Variants in DAAM2 observed in about 807,000 individuals in gnomAD.
DAAM2 encodes dishevelled associated activator of morphogenesis 2.
A neutral mutation model predicts 120.7 loss-of-function variants in DAAM2; 39 were observed. The ratio of observed to expected loss-of-function variants is 0.32; its 90% CI spans 0.25 to 0.42. The LOEUF is 0.42. Among genes scored for constraint, DAAM2 ranks in the 10% least tolerant of loss-of-function variants. The pLI is 1.00. For synonymous variants in DAAM2, 488 were observed against 524.9 expected, an observed-to-expected ratio of 0.93 and a Z score of 0.96; for missense variants, 1,283 against 1,401.7, an observed-to-expected ratio of 0.92 and a Z score of 1.35.
At chr6:39,895,027 G>A (rs1765988256) in intron 19 of DAAM2, among the ~76,000 whole-genome samples, 1 of 151,892 alleles carries the variant, frequency 6.6e-6, no homozygotes, top group African/African-American at 2.4e-5. Flanking sequence ...ATGTAGCAGT[G>A]GGGTATTCAT....
At chr6:39,795,530 T>C (rs906663681) in intron 1 of DAAM2, among the ~76,000 whole-genome samples, 1 of 152,206 alleles carries the variant, frequency 6.6e-6, no homozygotes, top group Non-Finnish European at 1.5e-5. Context: ...CCCAGGTCAT[T>C]ATGAAAACAT....
chr6:39,826,651 A>AT (rs1489773592), intron 1 of DAAM2, among the ~76,000 whole-genome samples: 5 of 152,092 alleles, frequency 3.3e-5, no homozygotes, highest in African/African-American at 2.4e-5. Context: ...TTTGCCAGTG[A>AT]TTTTTTTCAC....
chr6:39,862,651 C>T (rs930186441), intron 3 of DAAM2: 3 of 151,386 alleles, frequency 2.0e-5, no homozygotes, highest in African/African-American at 4.9e-5. Flanking sequence ...TAAAAAAATA[C>T]AAAACTAGCC....
intron 1 of DAAM2, among the ~76,000 whole-genome samples, chr6:39,824,749 G>C (rs920403676): frequency 5.9e-5 from 9 of 152,154 alleles, no homozygotes; most frequent in African/African-American, 2.2e-4. Context: ...GGCAAGAGCA[G>C]GTTCCGCGGA....
Position 39,873,272 on chromosome 6 carries a change from T to C in DAAM2, c.1079T>C (p.Phe360Ser), listed in dbSNP as rs1356595723. The change falls in exon 10 of 25, where the codon TTT becomes TCT. Residue 360 changes from phenylalanine (F) to serine (S), a missense_variant. Phe to Ser is a radical substitution (Grantham distance 155, BLOSUM62 -2). Coordinates refer to ENST00000274867, the MANE Select transcript of DAAM2 (RefSeq NM_001201427.2). ...HIDTKSASQM[F>S]ELIHKKLKYT... Reference sequence around the variant, plus strand: ...GACACCAAGAGTGCTTCCCAGATGTTTGAGTTGATCCACAAGAAGCTGAAG... The same window carrying C: ...GACACCAAGAGTGCTTCCCAGATGTCTGAGTTGATCCACAAGAAGCTGAAG... 6.2e-7 allele frequency: 1 copy of C among 1,613,292 alleles called. No homozygotes were observed. The highest frequency in any genetic ancestry group is 1.3e-5 in the African/African-American group (1 of 74,884).
intron 1 of DAAM2, among the ~76,000 whole-genome samples, chr6:39,842,606 C>T (rs1022048227): frequency 1.5e-4 from 23 of 151,792 alleles, no homozygotes; most frequent in Admixed American, 4.6e-4. Flanking sequence ...GTACTCCAGC[C>T]GGGGCAACAG....
intron 2 of DAAM2, among the ~76,000 whole-genome samples, chr6:39,857,015 G>C (rs1447452226): frequency 6.6e-6 from 1 of 152,160 alleles, no homozygotes; most frequent in Non-Finnish European, 1.5e-5. Flanking sequence ...GCTTAGCAAG[G>C]GGCAGGCGGA....
intron 10 of DAAM2, 77 bp from the exon 11 acceptor site, chr6:39,875,253 C>A (rs1281269097): frequency 2.6e-6 from 4 of 1,523,046 alleles, no homozygotes; most frequent in Non-Finnish European, 3.6e-6. Context: ...CCAGCCAGAC[C>A]CCAGGCAGCA....
chr6:39,809,658 T>TA (rs1762106843), intron 1 of DAAM2, among the ~76,000 whole-genome samples: 1 of 151,976 alleles, frequency 6.6e-6, no homozygotes. Flanking sequence ...AGCACTGCAG[T>TA]AAAAAAACAA....
chr6:39,899,656 T>C (rs1288993963), intron 22 of DAAM2: 2 of 163,716 alleles, frequency 1.2e-5, no homozygotes, highest in Admixed American at 5.6e-5. Context: ...ATAGTCCTGT[T>C]AAGTGCTACT....
At chr6:39,856,555 T>C (rs1764014120) in intron 2 of DAAM2, 85 bp downstream of exon 2, 1 of 1,120,010 alleles carries the variant, frequency 8.9e-7, no homozygotes. Flanking sequence ...AGGGCCCCTG[T>C]GCTGGGGTCT....
chr6:39,871,354 A>G (rs1764653482), intron 8 of DAAM2, among the ~76,000 whole-genome samples, 152 bp from the exon 9 acceptor site: 1 of 152,206 alleles, frequency 6.6e-6, no homozygotes, highest in Non-Finnish European at 1.5e-5. Context: ...TGGGTGTCCT[A>G]CAAACAGCGG....
chr6:39,874,794 G>C (rs905526495), intron 10 of DAAM2, among the ~76,000 whole-genome samples: 5 of 152,128 alleles, frequency 3.3e-5, no homozygotes, highest in African/African-American at 1.2e-4. Context: ...ATAGTTCAAG[G>C]TCACTTCCAC....
chr6:39,814,884 C>G (rs556222939), intron 1 of DAAM2, among the ~76,000 whole-genome samples: 1 of 152,342 alleles, frequency 6.6e-6, no homozygotes, highest in East Asian at 1.9e-4. Flanking sequence ...CTCTCCTCCT[C>G]CATTCTCTTC....
chr6:39,881,298 G>A (rs71571395), intron 14 of DAAM2, among the ~76,000 whole-genome samples: 3,909 of 152,294 alleles, frequency 0.026, 72 homozygotes, highest in East Asian at 0.048. Flanking sequence ...CAAGGTGAAC[G>A]GTCTTTGAAT....
At chr6:39,852,790 C>T (rs1562027217) in intron 1 of DAAM2, among the ~76,000 whole-genome samples, 1 of 152,212 alleles carries the variant, frequency 6.6e-6, no homozygotes, top group South Asian at 2.1e-4. Context: ...AGTCTCCTGA[C>T]TTCAAAGCCT....
chr6:39,805,813 A>C (rs963401847), intron 1 of DAAM2, among the ~76,000 whole-genome samples: 1 of 152,016 alleles, frequency 6.6e-6, no homozygotes, highest in Non-Finnish European at 1.5e-5. Context: ...TGGCCTCCCA[A>C]AGTGCTGGGA....
chr6:39,810,546 A>G (rs1762131600), intron 1 of DAAM2, among the ~76,000 whole-genome samples: 1 of 152,132 alleles, frequency 6.6e-6, no homozygotes, highest in Non-Finnish European at 1.5e-5. Flanking sequence ...CCCTCTACCC[A>G]GAGGTACCTG....
chr6:39,827,678 T>A (rs574861692), intron 1 of DAAM2, among the ~76,000 whole-genome samples: 1 of 152,286 alleles, frequency 6.6e-6, no homozygotes, highest in South Asian at 2.1e-4. Context: ...GGATTACTCT[T>A]CAGGGTCTCT....
Sources: allele counts gnomAD v4.1 joint callset (sites outside exome capture counted in the v4.1 genomes callset), GRCh38; gene constraint gnomAD v4.1.1; transcripts MANE v1.5; gene names NCBI Gene and HGNC (gene_info 2026-07-23, HGNC 2026-07-21).